Variants in VAPB observed in about 807,000 individuals in gnomAD.
VAPB encodes the protein vesicle-associated membrane protein-associated protein B/C.
In VAPB, 7 loss-of-function variants were observed where a neutral mutation model predicts 25.6. The ratio of observed to expected loss-of-function variants is 0.27; its 90% CI spans 0.16 to 0.51. The LOEUF (loss-of-function observed/expected upper bound fraction) is 0.51. VAPB is among the 20% of genes least tolerant of loss of function. The pLI is 0.97. For synonymous variants in VAPB, 112 were observed against 109.2 expected (o/e 1.03, Z -0.16); for missense variants, 266 against 301.3 (o/e 0.88, Z 0.87).
chr20:58,403,037 G>C (rs1187912360), intron 1 of VAPB, among the ~76,000 whole-genome samples: 1 of 151,346 alleles, frequency 6.6e-6, no homozygotes, highest in Non-Finnish European at 1.5e-5. Flanking sequence ...AAGGAGAGAG[G>C]GGGGAAGAAA....
chr20:58,391,574 C>T (rs2123010472), intron 1 of VAPB, among the ~76,000 whole-genome samples: 1 of 151,948 alleles, frequency 6.6e-6, no homozygotes, highest in Non-Finnish European at 1.5e-5. Context: ...CACTCTGTCA[C>T]CCAGGCTGGA....
chr20:58,446,414 C>G lies in VAPB; in HGVS notation c.*2179C>G, dbSNP rs773564696. 6.6e-6 allele frequency: 3 copies of G among 454,066 alleles called. No individual in the cohort carries two copies. Among genetic ancestry groups the G allele is most frequent in the African/African-American group, 2.0e-5 (1 of 50,086 alleles). 28.1% of individuals were successfully genotyped at this position (454,066 alleles called of 1,614,324 possible). A position where few individuals can be genotyped will look rare whatever the true frequency, so the allele number is the denominator to read the frequency against. ...CAGTGCCTAGGGGTACAGTACAGTC[C>G]CATTACACTAGAGCAGGGCTCTATT... On this transcript the variant is annotated 3_prime_UTR_variant, in exon 6 of 6. Coordinates refer to ENST00000475243, the MANE Select transcript of VAPB (RefSeq NM_004738.5).
rs538027443 is a variant in VAPB, at chr20:58,447,015, A to G, written c.*2780A>G. 1 of 454,088 alleles carries G rather than the reference A, an allele frequency of 2.2e-6. No homozygotes were observed. The highest frequency in any genetic ancestry group is 6.9e-5 in the East Asian group (1 of 14,390). 28.1% of individuals were successfully genotyped at this position (454,088 alleles called of 1,614,324 possible). A position where few individuals can be genotyped will look rare whatever the true frequency, so the allele number is the denominator to read the frequency against. On this transcript the variant is annotated 3_prime_UTR_variant, in exon 6 of 6. Coordinates refer to ENST00000475243, the MANE Select transcript of VAPB (RefSeq NM_004738.5). The stretch of plus-strand genomic sequence containing the variant: ...GATAATCGGGACGAAACTGGCATGG[A>G]AAGAGCGAGCCTAGGGAGGATGCCG...
chr20:58,440,814 G>A (rs991956338), intron 4 of VAPB, 93 bp from the exon 5 acceptor site: 5 of 1,165,554 alleles, frequency 4.3e-6, no homozygotes, highest in Non-Finnish European at 6.2e-6. Context: ...ATGCTACCAC[G>A]TTTGGTGTTT....
At chr20:58,413,738 G>A (rs1410531897) in intron 1 of VAPB, among the ~76,000 whole-genome samples, 2 of 150,138 alleles carry the variant, frequency 1.3e-5, no homozygotes, top group African/African-American at 4.9e-5. Flanking sequence ...AGAGGCGCCC[G>A]TCACCTCCCG....
Position 58,447,382 on chromosome 20 carries a change from A to G in VAPB, c.*3147A>G. On this transcript the variant is annotated 3_prime_UTR_variant, in exon 6 of 6. Coordinates refer to ENST00000475243, the MANE Select transcript of VAPB (RefSeq NM_004738.5). ...TTCTGAACTGCTGGCACCAGCAGTA[A>G]TACATACTGATAAAATCAAAATTGA... 2.2e-6 allele frequency: 1 copy of G among 454,102 alleles called. No individual in the cohort carries two copies. Among genetic ancestry groups the G allele is most frequent in the Non-Finnish European group, 4.4e-6 (1 of 226,786 alleles). 28.1% of individuals were successfully genotyped at this position (454,102 alleles called of 1,614,324 possible). A position where few individuals can be genotyped will look rare whatever the true frequency, so the allele number is the denominator to read the frequency against.
chr20:58,400,251 C>T (rs184203822), intron 1 of VAPB, among the ~76,000 whole-genome samples: 20 of 152,290 alleles, frequency 1.3e-4, no homozygotes, highest in Middle Eastern at 3.4e-3. Flanking sequence ...GGCTTGAACT[C>T]AGTACCTCTA....
At chr20:58,427,401 A>G (rs956398948) in intron 2 of VAPB, among the ~76,000 whole-genome samples, 12 of 103,190 alleles carry the variant, frequency 1.2e-4, no homozygotes, top group African/African-American at 4.5e-4. Flanking sequence ...ATTATGATGC[A>G]GGTCCATGAT....
In VAPB at chr20:58,389,264, C is replaced by T. The variant is rs774777239; in HGVS notation, c.-196C>T. ...AGCTCGCCGGGCACCGCGGCCTCGC[C>T]CTCGCCCTCCGCCCCTGCGCCTGCA... is the stretch of plus-strand genomic sequence containing the variant. On this transcript the variant is annotated 5_prime_UTR_variant, in exon 1 of 6. Transcript: ENST00000475243. 7.3e-6 allele frequency: 5 copies of T among 683,536 alleles called. No individual in the cohort carries two copies. The highest frequency in any genetic ancestry group is 7.5e-4 in the Middle Eastern group (2 of 2,658). 42.3% of individuals were successfully genotyped at this position (683,536 alleles called of 1,614,324 possible). A position where few individuals can be genotyped will look rare whatever the true frequency, so the allele number is the denominator to read the frequency against.
intron 3 of VAPB, among the ~76,000 whole-genome samples, chr20:58,436,327 CTTTTTTTTTT>C (rs57100987): frequency 3.1e-4 from 36 of 114,992 alleles, no homozygotes; most frequent in African/African-American, 1.2e-3. Context: ...GTTTTTCTTC[CTTTTTTTTTT>C]TTTTTTTTTT....
chr20:58,391,611 C>T (rs747009927), intron 1 of VAPB, among the ~76,000 whole-genome samples: 9 of 152,086 alleles, frequency 5.9e-5, no homozygotes, highest in Non-Finnish European at 1.0e-4. Context: ...TCACTGCAGC[C>T]TCTGCCTCCC....
intron 2 of VAPB, among the ~76,000 whole-genome samples, chr20:58,425,568 C>G (rs1287047309): frequency 6.6e-6 from 1 of 152,224 alleles, no homozygotes; most frequent in Non-Finnish European, 1.5e-5. Context: ...GCTTAGGAGT[C>G]TTGGAGTTGA....
intron 3 of VAPB, among the ~76,000 whole-genome samples, chr20:58,436,992 CTTTTTTTTTTTT>C (rs34944837): frequency 2.5e-4 from 19 of 77,432 alleles, no homozygotes; most frequent in Admixed American, 2.2e-3. Flanking sequence ...AAACTTTGAA[CTTTTTTTTTTTT>C]TTTTTTTTTT....
intron 1 of VAPB, among the ~76,000 whole-genome samples, chr20:58,405,783 C>T: frequency 9.2e-6 from 1 of 108,938 alleles, no homozygotes; most frequent in East Asian, 3.2e-4. Flanking sequence ...CGGAGACTGG[C>T]TCTGTTGCCC....
At chr20:58,411,240 A>G (rs966732746) in intron 1 of VAPB, among the ~76,000 whole-genome samples, 1 of 152,244 alleles carries the variant, frequency 6.6e-6, no homozygotes, top group African/African-American at 2.4e-5. Flanking sequence ...CTCAACAATA[A>G]GAAAATGAAC....
chr20:58,404,270 C>T (rs1280899543), intron 1 of VAPB, among the ~76,000 whole-genome samples: 1 of 152,188 alleles, frequency 6.6e-6, no homozygotes, highest in South Asian at 2.1e-4. Context: ...AGAGTCAGGC[C>T]ACACCGCATC....
rs556436187 is a variant in VAPB, at chr20:58,446,495, C to T, written c.*2260C>T. ...ATAAAACTTTATTCACAAAAACAGC[C>T]GGGTCATGGGATTTGGCTTGTGAGT... On this transcript the variant is annotated 3_prime_UTR_variant, in exon 6 of 6. Transcript: ENST00000475243. 7 of 453,924 alleles carry T rather than the reference C, an allele frequency of 1.5e-5. No individual in the cohort carries two copies. Among genetic ancestry groups the T allele is most frequent in the Middle Eastern group, 6.9e-4 (1 of 1,444 alleles). The allele number at this position is 453,924 out of a possible 1,614,324, so 28.1% of individuals were successfully genotyped here. A position where few individuals can be genotyped will look rare whatever the true frequency, so the allele number is the denominator to read the frequency against.
intron 1 of VAPB, among the ~76,000 whole-genome samples, chr20:58,396,499 C>CTAG (rs1332261046): frequency 6.6e-6 from 1 of 152,038 alleles, no homozygotes; most frequent in Non-Finnish European, 1.5e-5. Flanking sequence ...GACCATTTAC[C>CTAG]TAGATTTAAA....
chr20:58,395,971 T>C (rs1356883627), intron 1 of VAPB, among the ~76,000 whole-genome samples: 1 of 152,186 alleles, frequency 6.6e-6, no homozygotes, highest in Non-Finnish European at 1.5e-5. Context: ...TTTCAAACTG[T>C]TAAATGCATC....
Sources: gnomAD v4.1 joint callset for allele counts (sites outside exome capture counted in the v4.1 genomes callset) on GRCh38, gnomAD v4.1.1 for gene constraint, MANE v1.5 for transcripts, NCBI Gene and HGNC (gene_info 2026-07-23, HGNC 2026-07-21) for gene names.